The following VPS26B variants were observed in gnomAD, a reference collection of about 807,000 sequenced individuals.
VPS26B encodes the protein VPS26 retromer complex component B.
A neutral mutation model predicts 33.3 loss-of-function variants in VPS26B; 10 were observed. The observed-to-expected ratio is 0.30, with a 90% CI of 0.19 to 0.51. The LOEUF is 0.51. VPS26B is among the 20% of genes least tolerant of loss of function. VPS26B has a pLI of 0.98. For synonymous variants in VPS26B, 190 were observed against 176.9 expected (o/e 1.07, Z -0.59); for missense variants, 317 against 452.7 (o/e 0.70, Z 2.72).
At chr11:134,231,914 G>C (rs1378172129) in intron 1 of VPS26B, among the ~76,000 whole-genome samples, 1 of 152,202 alleles carries the variant, frequency 6.6e-6, no homozygotes, top group South Asian at 2.1e-4. Context: ...AAAACTGCAC[G>C]AGGCCTAGAC....
chr11:134,245,506 C>T lies in VPS26B; in HGVS notation c.927C>T (p.Ile309=), dbSNP rs757619929. ...AGAGCATGTCCCACCAGGCGGCCAT[C>T]GCCTCACAGCGCTTTGAGGGCACCA... is the stretch of plus-strand genomic sequence containing the variant. ...VRKSMSHQAA[I]ASQRFEGTTS... The change falls in exon 6 of 6, where the codon ATC becomes ATT. Residue 309 remains isoleucine (I), a synonymous_variant. Coordinates refer to ENST00000281187, the MANE Select transcript of VPS26B (RefSeq NM_052875.5). The surrounding 1 kb of genome is among the most constrained non-coding windows in gnomAD (Gnocchi z 4.7). 6.9e-5 allele frequency: 111 copies of T among 1,613,878 alleles called. 1 individual carries two copies. The Middle Eastern group carries it at 1.8e-3, about 26-fold the overall frequency.
At chr11:134,232,901 G>A (rs79005131) in intron 1 of VPS26B, among the ~76,000 whole-genome samples, 3,728 of 152,224 alleles carry the variant, frequency 0.024, 156 homozygotes, top group African/African-American at 0.085. Context: ...ACAAGAGTAA[G>A]CCGAGGAGTC....
intron 1 of VPS26B, among the ~76,000 whole-genome samples, chr11:134,230,804 G>A (rs1938545253): frequency 6.6e-6 from 1 of 152,202 alleles, no homozygotes; most frequent in Non-Finnish European, 1.5e-5. Flanking sequence ...CTTATGTGGT[G>A]GACGTTTTTC....
Position 134,242,042 on chromosome 11 carries a change from C to CT in VPS26B, c.546-1076dup, listed in dbSNP as rs1329167268. The stretch of plus-strand genomic sequence containing the variant: ...GGTTTTTGTTTTTTGTTTTTTAACT[C>CT]TCCCCGCTTACACCTAGAGCAGCTT... On this transcript the variant is annotated intron_variant, in intron 3 of 5. Coordinates refer to ENST00000281187, the MANE Select transcript of VPS26B (RefSeq NM_052875.5). Among the ~76,000 whole-genome samples the CT allele has an allele frequency of 1.1e-4, 17 of 152,318 alleles. No homozygotes were observed. In the Middle Eastern group the frequency reaches 0.01, roughly 91 times the overall value.
chr11:134,240,707 C>G lies in VPS26B; in HGVS notation c.545+552C>G, dbSNP rs1187046577. On this transcript the variant is annotated intron_variant, in intron 3 of 5. Coordinates refer to ENST00000281187, the MANE Select transcript of VPS26B (RefSeq NM_052875.5). This position sits in a 1 kb window ranked among gnomAD's most constrained non-coding sequence, Gnocchi z 4.4. ...TGACCTCCTAGACTCAAGCATTTCT[C>G]TCACCTCCGCCCCTACAAGTAGCTA... is the stretch of plus-strand genomic sequence containing the variant. Among the ~76,000 whole-genome samples the G allele has an allele frequency of 1.3e-5, 2 of 151,998 alleles. No homozygotes were observed. The highest frequency in any genetic ancestry group is 4.8e-5 in the African/African-American group (2 of 41,370).
At chr11:134,238,541 C>T (rs1336970354) in intron 2 of VPS26B, among the ~76,000 whole-genome samples, 3 of 152,088 alleles carry the variant, frequency 2.0e-5, no homozygotes, top group Non-Finnish European at 4.4e-5. Context: ...AGGATAGTAG[C>T]CGAAATGTGT....
At chr11:134,226,120 G>C (rs147639560) in intron 1 of VPS26B, among the ~76,000 whole-genome samples, 2 of 152,150 alleles carry the variant, frequency 1.3e-5, no homozygotes, top group Non-Finnish European at 1.5e-5. Context: ...ACTAGACAGC[G>C]CCAGGCACAG....
At position 134,246,974 on chromosome 11, in the gene VPS26B, A is replaced by G. The variant is rs1445302395; in HGVS notation, c.*1384A>G. The G allele has an allele frequency of 6.6e-6, 1 of 151,986 alleles. No individual in the cohort carries two copies. Among genetic ancestry groups the G allele is most frequent in the Non-Finnish European group, 1.5e-5 (1 of 68,010 alleles). 9.4% of individuals were successfully genotyped at this position (151,986 alleles called of 1,614,324 possible). A position where few individuals can be genotyped will look rare whatever the true frequency, so the allele number is the denominator to read the frequency against. ...ACGGTATTTGGCAGTCTGAGTTCTC[A>G]GTAATTTGGAAAGTTAAGGAGTTGG... is the stretch of plus-strand genomic sequence containing the variant. On this transcript the variant is annotated 3_prime_UTR_variant, in exon 6 of 6. Coordinates refer to ENST00000281187, the MANE Select transcript of VPS26B (RefSeq NM_052875.5).
At chr11:134,243,825 G>C (rs1268662529) in intron 4 of VPS26B, 1 of 152,606 alleles carries the variant, frequency 6.6e-6, no homozygotes, top group African/African-American at 2.4e-5. Flanking sequence ...CAGCCCCAGG[G>C]AGCTAACATT....
rs1450290577 is a variant in VPS26B at position 134,244,833 on chromosome 11, C to G, written c.722-105C>G. The G allele has an allele frequency of 1.4e-6, 2 of 1,435,342 alleles. No individual in the cohort carries two copies. The highest frequency in any genetic ancestry group is 1.4e-5 in the African/African-American group (1 of 70,240). The allele number at this position is 1,435,342 out of a possible 1,614,324, so 88.9% of individuals were successfully genotyped here. On this transcript the variant is annotated intron_variant, in intron 4 of 5. Transcript: ENST00000281187. The surrounding 1 kb of genome is among the most constrained non-coding windows in gnomAD (Gnocchi z 4.0). ...CACCTTCCCAGAAGGCTGAAGTGCT[C>G]GTGTGCTGCACTCCAGTGGCATCTC...
In VPS26B at chr11:134,245,327, A is replaced by G. The variant is rs953863830; in HGVS notation, c.865-117A>G. The G allele has an allele frequency of 3.4e-6, 5 of 1,464,816 alleles. No homozygotes were observed. Among genetic ancestry groups the G allele is most frequent in the Non-Finnish European group, 4.6e-6 (5 of 1,079,356 alleles). The allele number at this position is 1,464,816 out of a possible 1,614,324, so 90.7% of individuals were successfully genotyped here. On this transcript the variant is annotated intron_variant, in intron 5 of 5. Coordinates refer to ENST00000281187, the MANE Select transcript of VPS26B (RefSeq NM_052875.5). The surrounding 1 kb of genome is among the most constrained non-coding windows in gnomAD (Gnocchi z 4.7). ...GCTGGCAGCTGCTGCCTTTGGTGAG[A>G]GAGAAGCAGAGGAGGTCCTTGCCCG...
rs1938703340 is a variant in VPS26B at position 134,240,607 on chromosome 11, T to A, written c.545+452T>A. On this transcript the variant is annotated intron_variant, in intron 3 of 5. Transcript: ENST00000281187. This position sits in a 1 kb window ranked among gnomAD's most constrained non-coding sequence, Gnocchi z 4.4. ...TTGCTGCTTCCTCCCTGAACTAAAA[T>A]GAATTATAGCAAAGAATATTGGATT... Among the ~76,000 whole-genome samples the A allele has an allele frequency of 1.3e-5, 2 of 152,102 alleles. No individual in the cohort carries two copies. Among genetic ancestry groups the A allele is most frequent in the African/African-American group, 4.8e-5 (2 of 41,408 alleles).
In VPS26B at chr11:134,240,010, A is replaced by G; in HGVS notation, c.400A>G (p.Ile134Val). 6.2e-7 allele frequency: 1 copy of G among 1,614,180 alleles called. No individual in the cohort carries two copies. The highest frequency in any genetic ancestry group is 2.2e-5 in the East Asian group (1 of 44,886). Residue 134 changes from isoleucine to valine, a missense_variant, in exon 3 of 6, where the codon ATC becomes GTC. Transcript: ENST00000281187. This position sits in a 1 kb window ranked among gnomAD's most constrained non-coding sequence, Gnocchi z 4.4. The stretch of plus-strand genomic sequence containing the variant: ...CTACAGCTATTTCCTTCGTGCTACC[A>G]TCAGCCGCCGCCTCAATGATGTTGT... ...VKLRYFLRAT[I>V]SRRLNDVVKE...
intron 1 of VPS26B, among the ~76,000 whole-genome samples, chr11:134,228,766 G>A (rs1938515114): frequency 6.6e-6 from 1 of 152,210 alleles, no homozygotes; most frequent in African/African-American, 2.4e-5. Flanking sequence ...GCACCAGAGC[G>A]AGGCTAGTGA....
intron 4 of VPS26B, chr11:134,243,602 T>C (rs1938765689): frequency 3.3e-6 from 1 of 298,930 alleles, no homozygotes. Context: ...CAGATGTGGT[T>C]TGAAAACGTT....
Position 134,245,405 on chromosome 11 carries a change from CCTCT to C in VPS26B, c.865-38_865-35del, listed in dbSNP as rs1407854293. 1.1e-5 allele frequency: 18 copies of C among 1,612,280 alleles called. No homozygotes were observed. The highest frequency in any genetic ancestry group is 1.5e-5 in the Non-Finnish European group (18 of 1,178,560). ...TCTAGGAAACCTGTCCCCATGCCTC[CCTCT>C]AAGGTGTCACATTGCCCCCCTTTCA... is the stretch of plus-strand genomic sequence containing the variant. On this transcript the variant is annotated intron_variant, in intron 5 of 5. Transcript: ENST00000281187. The surrounding 1 kb of genome is among the most constrained non-coding windows in gnomAD (Gnocchi z 4.7).
At chr11:134,234,643 G>C (rs922774197) in intron 1 of VPS26B, among the ~76,000 whole-genome samples, 1 of 152,162 alleles carries the variant, frequency 6.6e-6, no homozygotes, top group Non-Finnish European at 1.5e-5. Flanking sequence ...GATGGTGTCC[G>C]AGTGTCTTGG....
Position 134,247,516 on chromosome 11 carries a change from TTC to T in VPS26B, c.*1930_*1931del, listed in dbSNP as rs1251409593. The T allele has an allele frequency of 2.0e-5, 3 of 152,668 alleles. No homozygotes were observed. The highest frequency in any genetic ancestry group is 7.2e-5 in the African/African-American group (3 of 41,568). 9.5% of individuals were successfully genotyped at this position (152,668 alleles called of 1,614,324 possible). A position where few individuals can be genotyped will look rare whatever the true frequency, so the allele number is the denominator to read the frequency against. ...CTGTGCACAAGCCAGGTCTTCTGTTTTCTCTTTCTTACTCTACCCACATTCTT... is the reference window on the plus strand; with the variant it reads ...CTGTGCACAAGCCAGGTCTTCTGTTTTCTTTCTTACTCTACCCACATTCTT... On this transcript the variant is annotated 3_prime_UTR_variant, in exon 6 of 6. Transcript: ENST00000281187.
At chr11:134,234,605 T>C (rs1938603640) in intron 1 of VPS26B, among the ~76,000 whole-genome samples, 1 of 152,230 alleles carries the variant, frequency 6.6e-6, no homozygotes, top group Non-Finnish European at 1.5e-5. Flanking sequence ...TTTCTTATAT[T>C]GGCTCCCATG....
Sources: gnomAD v4.1 joint callset for allele counts (sites outside exome capture counted in the v4.1 genomes callset) on GRCh38, gnomAD v4.1.1 for gene constraint, Gnocchi (gnomAD v3.1) non-coding constraint, MANE v1.5 for transcripts, NCBI Gene and HGNC (gene_info 2026-07-23, HGNC 2026-07-21) for gene names.